Variants in LIMD1 observed in about 807,000 individuals in gnomAD.
LIMD1 encodes LIM domain-containing protein 1.
Under a neutral mutation model 58.4 loss-of-function variants are expected in LIMD1, and 23 were observed. That is an observed-to-expected ratio of 0.39 (90% CI 0.28 to 0.56). The LOEUF is 0.56. Among genes scored for constraint, LIMD1 ranks in the 20% least tolerant of loss-of-function variants. LIMD1 has a pLI of 0.57. For missense variants in LIMD1, 838 were observed against 855.5 expected (o/e 0.98, Z 0.25); for synonymous variants, 334 against 345.5 (o/e 0.97, Z 0.37).
At chr3:45,615,190 AAG>A (rs1390188035) in intron 1 of LIMD1, among the ~76,000 whole-genome samples, 1 of 152,246 alleles carries the variant, frequency 6.6e-6, no homozygotes, top group African/African-American at 2.4e-5. Context: ...AGGTTGAACA[AAG>A]AGAGGCATTT....
intron 2 of LIMD1, among the ~76,000 whole-genome samples, chr3:45,653,921 A>AAAG (rs1701998997): frequency 1.4e-5 from 2 of 145,526 alleles, no homozygotes; most frequent in South Asian, 4.3e-4. Flanking sequence ...AAAAAAAAAA[A>AAAG]AAAAAGAAAA....
intron 2 of LIMD1, among the ~76,000 whole-genome samples, chr3:45,656,073 G>A (rs1454084745): frequency 6.6e-6 from 1 of 152,162 alleles, no homozygotes; most frequent in African/African-American, 2.4e-5. Context: ...AGAGCTCAGA[G>A]ATGTAGTTAG....
rs144352683 is a variant in LIMD1 at position 45,677,524 on chromosome 3, G to C, written c.*465G>C. On this transcript the variant is annotated 3_prime_UTR_variant, in exon 8 of 8. Coordinates refer to ENST00000273317, the MANE Select transcript of LIMD1 (RefSeq NM_014240.3). The stretch of plus-strand genomic sequence containing the variant: ...GTTCCCTCCCCCGACATATATCATG[G>C]CATGATTTAAGGCTTCTTTTCACCT... 167 of 154,042 alleles carry C rather than the reference G, an allele frequency of 1.1e-3. No individual in the cohort carries two copies. Among genetic ancestry groups the C allele is most frequent in the African/African-American group, 3.7e-3 (154 of 41,570 alleles). 9.5% of individuals were successfully genotyped at this position (154,042 alleles called of 1,614,324 possible). A position where few individuals can be genotyped will look rare whatever the true frequency, so the allele number is the denominator to read the frequency against.
At chr3:45,613,782 G>A (rs895724124) in intron 1 of LIMD1, among the ~76,000 whole-genome samples, 1 of 152,066 alleles carries the variant, frequency 6.6e-6, no homozygotes, top group Non-Finnish European at 1.5e-5. Flanking sequence ...ATAGGCATGA[G>A]CCACTGCACC....
At chr3:45,604,058 A>G (rs1701443611) in intron 1 of LIMD1, among the ~76,000 whole-genome samples, 1 of 152,182 alleles carries the variant, frequency 6.6e-6, no homozygotes, top group Admixed American at 6.5e-5. Flanking sequence ...CAAACATGGG[A>G]TTTGATGTAA....
intron 2 of LIMD1, among the ~76,000 whole-genome samples, chr3:45,650,944 A>G (rs1013938635): frequency 8.6e-5 from 13 of 150,538 alleles, no homozygotes; most frequent in Admixed American, 5.3e-4. Flanking sequence ...ACTAATTTAC[A>G]CTCCCACCAA....
At chr3:45,598,296 A>G (rs1701377126) in intron 1 of LIMD1, among the ~76,000 whole-genome samples, 1 of 152,238 alleles carries the variant, frequency 6.6e-6, no homozygotes. Context: ...TCTTACTGTG[A>G]ACTATCTTTT....
intron 2 of LIMD1, among the ~76,000 whole-genome samples, chr3:45,649,576 G>T (rs1379665813): frequency 6.7e-6 from 1 of 150,306 alleles, no homozygotes; most frequent in Non-Finnish European, 1.5e-5. Flanking sequence ...AGCTACTGGC[G>T]AGGCTGAGGC....
At chr3:45,641,490 T>G (rs1012440962) in intron 2 of LIMD1, among the ~76,000 whole-genome samples, 3 of 148,608 alleles carry the variant, frequency 2.0e-5, no homozygotes, top group Non-Finnish European at 3.0e-5. Context: ...AGCCAGATTT[T>G]ATATATAATT....
At chr3:45,660,612 C>T (rs1423986141) in intron 2 of LIMD1, among the ~76,000 whole-genome samples, 1 of 152,020 alleles carries the variant, frequency 6.6e-6, no homozygotes, top group Non-Finnish European at 1.5e-5. Context: ...GATGAGGTTT[C>T]GCCATGTTGG....
chr3:45,669,013 CA>C (rs1236666901), intron 4 of LIMD1, among the ~76,000 whole-genome samples: 1 of 152,160 alleles, frequency 6.6e-6, no homozygotes, highest in Admixed American at 6.5e-5. Context: ...GAGTCAAATG[CA>C]GAAAGCCAGA....
At chr3:45,623,397 GT>G (rs1701644332) in intron 1 of LIMD1, among the ~76,000 whole-genome samples, 1 of 152,150 alleles carries the variant, frequency 6.6e-6, no homozygotes, top group African/African-American at 2.4e-5. Flanking sequence ...TGAGCTCCTT[GT>G]TTCCCTGTAG....
rs1701353349 is a variant in LIMD1 at position 45,596,431 on chromosome 3, C to G, written c.1408+144C>G. On this transcript the variant is annotated intron_variant, in intron 1 of 7. Transcript: ENST00000273317. ...TTTTTATTTTTTTGTTTTGGGCTTCCTCTTTCAGCTGCTTTTTCTGATTCA... is the reference window on the plus strand; with the variant it reads ...TTTTTATTTTTTTGTTTTGGGCTTCGTCTTTCAGCTGCTTTTTCTGATTCA... The G allele has an allele frequency of 5.9e-6, 4 of 679,100 alleles. No individual in the cohort carries two copies. The East Asian group carries it at 8.2e-5, about 14-fold the overall frequency. The allele number at this position is 679,100 out of a possible 1,614,324, so 42.1% of individuals were successfully genotyped here. A position where few individuals can be genotyped will look rare whatever the true frequency, so the allele number is the denominator to read the frequency against.
At chr3:45,648,772 G>A (rs1211927376) in intron 2 of LIMD1, among the ~76,000 whole-genome samples, 1 of 125,562 alleles carries the variant, frequency 8.0e-6, no homozygotes, top group Admixed American at 8.9e-5. Context: ...TATCCTATTT[G>A]GTGTGAAGTT....
intron 4 of LIMD1, among the ~76,000 whole-genome samples, chr3:45,668,752 CA>C (rs36111259): frequency 0.77 from 109,302 of 142,246 alleles, 41,527 homozygotes; most frequent in Middle Eastern, 0.87. Flanking sequence ...GACTCCACCT[CA>C]AAAAAAAAAA....
rs149884474 is a variant in LIMD1 at position 45,614,051 on chromosome 3, C to T, written c.1408+17764C>T. On this transcript the variant is annotated intron_variant, in intron 1 of 7. Transcript: ENST00000273317. ...AGCCACCTGTTCTCTGAGCTGGCAA[C>T]GCTTGGCTGATACCCTCCCAATTTC... Among the ~76,000 whole-genome samples, 657 of 152,200 alleles carry T rather than the reference C, an allele frequency of 4.3e-3. 8 individuals are homozygous for T. The highest frequency in any genetic ancestry group is 0.014 in the African/African-American group (599 of 41,498).
intron 1 of LIMD1, among the ~76,000 whole-genome samples, chr3:45,618,164 G>A (rs910063078): frequency 6.6e-6 from 1 of 152,168 alleles, no homozygotes; most frequent in Admixed American, 6.6e-5. Context: ...TGTTTTCCGT[G>A]GTTGGAGGGA....
At chr3:45,667,188 C>T (rs531716684) in intron 3 of LIMD1, among the ~76,000 whole-genome samples, 14 of 152,304 alleles carry the variant, frequency 9.2e-5, no homozygotes, top group African/African-American at 2.9e-4. Flanking sequence ...CCTCCACAGA[C>T]GTCTGATGGA....
intron 1 of LIMD1, among the ~76,000 whole-genome samples, chr3:45,615,419 T>G (rs140430597): frequency 1.4e-4 from 21 of 152,302 alleles, no homozygotes; most frequent in South Asian, 1.0e-3. Context: ...TATTGCCTAC[T>G]GGTGAAATCT....
Sources: gnomAD v4.1 joint callset for allele counts (sites outside exome capture counted in the v4.1 genomes callset) on GRCh38, gnomAD v4.1.1 for gene constraint, MANE v1.5 for transcripts, NCBI Gene and HGNC (gene_info 2026-07-23, HGNC 2026-07-21) for gene names.